KCNH5: variants seen among roughly 807,000 people sequenced by gnomAD.
The protein encoded by KCNH5 is potassium voltage-gated channel subfamily H member 5, also known as voltage-gated delayed rectifier potassium channel KCNH5.
In KCNH5, 46 loss-of-function variants were observed where a neutral mutation model predicts 96.1. The observed-to-expected ratio is 0.48, with a 90% CI of 0.38 to 0.61. The LOEUF (loss-of-function observed/expected upper bound fraction) is 0.61, where lower values mean the gene tolerates loss of function less well. Ranked by LOEUF, KCNH5 falls within the 20% of genes least tolerant of loss-of-function variation. The probability of loss-of-function intolerance (pLI) is 0.00; values close to 1 mark genes in which losing one functional copy is unlikely to be tolerated. For synonymous variants in KCNH5, 439 were observed against 449.8 expected, an observed-to-expected ratio of 0.98 and a Z score of 0.30; for missense variants, 907 against 1,225.8, an observed-to-expected ratio of 0.74 and a Z score of 3.88.
intron 1 of KCNH5, among the ~76,000 whole-genome samples, chr14:63,017,348 G>A (rs1891345076): frequency 6.6e-6 from 1 of 151,810 alleles, no homozygotes; most frequent in African/African-American, 2.4e-5. Flanking sequence ...TATTGAAGTT[G>A]ATAATAAAAG....
In KCNH5 at chr14:62,810,215, TG is replaced by T. The variant is rs1886845110; in HGVS notation, c.1570-7635del. 1.3e-5 allele frequency among the ~76,000 whole-genome samples: 2 copies of T among 152,100 alleles called. 1 individual carries two copies. The highest frequency in any genetic ancestry group is 4.1e-4 in the South Asian group (2 of 4,832). ...GAGTTATAAATGGCCCTCGCCATACTGATGTTTTCTGACTAAGCTCCTCTTT... is the reference window on the plus strand; with the variant it reads ...GAGTTATAAATGGCCCTCGCCATACTATGTTTTCTGACTAAGCTCCTCTTT... On this transcript the variant is annotated intron_variant, in intron 8 of 10. Coordinates refer to ENST00000322893, the MANE Select transcript of KCNH5 (RefSeq NM_139318.5).
rs148793628 is a variant in KCNH5, at chr14:63,030,056, T to C, written c.74-13102A>G. ...TGGAAAAGTGATGCCTTTAAAGAAA[T>C]TGCCCAGAATTTCAGTGACCATCAC... On this transcript the variant is annotated intron_variant, in intron 1 of 10. Transcript: ENST00000322893. Among the ~76,000 whole-genome samples, 380 of 152,206 alleles carry C rather than the reference T, an allele frequency of 2.5e-3. 1 individual carries two copies. Among genetic ancestry groups the C allele is most frequent in the Admixed American group, 4.1e-3 (63 of 15,276 alleles).
chr14:62,971,031 G>C (rs546583211), intron 6 of KCNH5, among the ~76,000 whole-genome samples: 1 of 151,846 alleles, frequency 6.6e-6, no homozygotes, highest in Non-Finnish European at 1.5e-5. Context: ...AACAAGAAAA[G>C]GTATACTTAC....
chr14:62,937,378 A>C (rs1002662106), intron 7 of KCNH5, among the ~76,000 whole-genome samples: 2 of 152,204 alleles, frequency 1.3e-5, no homozygotes, highest in Admixed American at 6.5e-5. Flanking sequence ...GACATAAGAC[A>C]AATCAAGTCA....
intron 7 of KCNH5, among the ~76,000 whole-genome samples, chr14:62,888,809 A>C (rs1020436993): frequency 1.3e-5 from 2 of 152,152 alleles, no homozygotes; most frequent in African/African-American, 4.8e-5. Flanking sequence ...CTCTTCCTAA[A>C]AATAATTGTT....
intron 9 of KCNH5, among the ~76,000 whole-genome samples, chr14:62,783,462 T>C (rs1886260037): frequency 6.6e-6 from 1 of 152,332 alleles, no homozygotes; most frequent in South Asian, 2.1e-4. Flanking sequence ...CTTCAAGAGA[T>C]AGAAAAAAGG....
At chr14:62,991,942 G>A (rs758452530) in intron 4 of KCNH5, among the ~76,000 whole-genome samples, 1 of 151,880 alleles carries the variant, frequency 6.6e-6, no homozygotes, top group Non-Finnish European at 1.5e-5. Flanking sequence ...AACATATATT[G>A]TACTCATTAA....
chr14:62,770,960 T>C (rs2139965853), intron 10 of KCNH5, among the ~76,000 whole-genome samples: 1 of 152,258 alleles, frequency 6.6e-6, no homozygotes, highest in Non-Finnish European at 1.5e-5. Context: ...GAGAAAGTAA[T>C]CAAGGTTACG....
At chr14:62,710,684 G>A (rs1482239810) in intron 10 of KCNH5, among the ~76,000 whole-genome samples, 4 of 151,906 alleles carry the variant, frequency 2.6e-5, no homozygotes, top group South Asian at 2.1e-4. Flanking sequence ...GTGTTGGCTC[G>A]ATGTGGTAAC....
At chr14:63,028,907 C>T (rs930787082) in intron 1 of KCNH5, among the ~76,000 whole-genome samples, 4 of 152,112 alleles carry the variant, frequency 2.6e-5, no homozygotes, top group Non-Finnish European at 5.9e-5. Flanking sequence ...GACCTAACAA[C>T]TCAAAGAGCG....
intron 10 of KCNH5, among the ~76,000 whole-genome samples, chr14:62,758,427 A>G (rs1885672955): frequency 6.6e-6 from 1 of 152,146 alleles, no homozygotes; most frequent in African/African-American, 2.4e-5. Context: ...CTTTTAAAAA[A>G]AGAACCATCC....
intron 7 of KCNH5, among the ~76,000 whole-genome samples, chr14:62,922,368 C>A (rs1889396494): frequency 6.6e-6 from 1 of 151,974 alleles, no homozygotes; most frequent in Middle Eastern, 3.4e-3. Flanking sequence ...AGTAGACATG[C>A]ATATATATGA....
At chr14:63,006,569 C>G in intron 2 of KCNH5, 97 bp from the exon 3 acceptor site, 1 of 700,360 alleles carries the variant, frequency 1.4e-6, no homozygotes, top group South Asian at 1.7e-5. Context: ...TCAAATGTGG[C>G]TAGAAAATAT....
intron 6 of KCNH5, among the ~76,000 whole-genome samples, chr14:62,964,482 C>A (rs964450526): frequency 2.6e-5 from 4 of 152,068 alleles, no homozygotes; most frequent in Non-Finnish European, 5.9e-5. Flanking sequence ...CACAGACACA[C>A]ACACACACAC....
chr14:62,982,748 AT>A, intron 5 of KCNH5, among the ~76,000 whole-genome samples: 1 of 152,328 alleles, frequency 6.6e-6, no homozygotes, highest in Middle Eastern at 3.4e-3. Flanking sequence ...TATTTTTGAT[AT>A]GGAAAACATC....
intron 8 of KCNH5, among the ~76,000 whole-genome samples, chr14:62,847,997 G>C (rs1286277933): frequency 1.3e-5 from 2 of 152,192 alleles, no homozygotes; most frequent in Non-Finnish European, 2.9e-5. Context: ...GAATAACTCA[G>C]TATTCAAGAA....
At chr14:63,021,346 T>C (rs1442959916) in intron 1 of KCNH5, among the ~76,000 whole-genome samples, 2 of 152,162 alleles carry the variant, frequency 1.3e-5, no homozygotes, top group African/African-American at 4.8e-5. Flanking sequence ...CTTCCCTACC[T>C]ATACAAACAT....
chr14:62,747,556 T>C (rs1439511109), intron 10 of KCNH5, among the ~76,000 whole-genome samples: 6 of 152,200 alleles, frequency 3.9e-5, no homozygotes, highest in Non-Finnish European at 1.5e-5. Flanking sequence ...AGCCAAATGA[T>C]AGATATAATT....
intron 10 of KCNH5, among the ~76,000 whole-genome samples, chr14:62,759,172 T>C (rs981245074): frequency 1.3e-5 from 2 of 152,198 alleles, no homozygotes; most frequent in Non-Finnish European, 2.9e-5. Flanking sequence ...TGGTCACTTG[T>C]ATTAGTTTGA....
Sources: gnomAD v4.1 joint callset for allele counts (sites outside exome capture counted in the v4.1 genomes callset) on GRCh38, gnomAD v4.1.1 for gene constraint, MANE v1.5 for transcripts, NCBI Gene and HGNC (gene_info 2026-07-23, HGNC 2026-07-21) for gene names.